SLIT3: variants seen among roughly 807,000 people sequenced by gnomAD.
SLIT3 encodes the protein slit guidance ligand 3.
SLIT3 carries 68 observed loss-of-function variants against 184.0 expected under a neutral mutation model. The observed-to-expected ratio is 0.37, with a 90% CI of 0.30 to 0.45. The LOEUF (loss-of-function observed/expected upper bound fraction) is 0.45. Ranked by LOEUF, SLIT3 falls within the 20% of genes least tolerant of loss-of-function variation. SLIT3 has a pLI of 1.00. For missense variants in SLIT3, 1,707 were observed against 2,026.0 expected (o/e 0.84, Z 3.02); for synonymous variants, 831 against 828.6 (o/e 1.00, Z -0.05).
chr5:168,832,803 T>G (rs72827678), intron 6 of SLIT3, among the ~76,000 whole-genome samples: 18,957 of 152,196 alleles, frequency 0.12, 1,633 homozygotes, highest in African/African-American at 0.25. Flanking sequence ...TTTTTAATAT[T>G]GGCAGCTAAA....
At chr5:168,683,872 C>A in intron 32 of SLIT3, 94 bp downstream of exon 32, 1 of 1,234,600 alleles carries the variant, frequency 8.1e-7, no homozygotes, top group Non-Finnish European at 1.1e-6. Flanking sequence ...AAGGGACACC[C>A]GAGTTCTCCT....
chr5:168,713,632 A>AGAT (rs756274868), intron 23 of SLIT3, among the ~76,000 whole-genome samples: 18 of 152,356 alleles, frequency 1.2e-4, no homozygotes, highest in Non-Finnish European at 2.4e-4. Flanking sequence ...GTGGAAGTAC[A>AGAT]GATGGAATAA....
At chr5:169,285,511 C>T (rs1222135832) in intron 1 of SLIT3, among the ~76,000 whole-genome samples, 2 of 152,134 alleles carry the variant, frequency 1.3e-5, no homozygotes, top group Non-Finnish European at 2.9e-5. Flanking sequence ...GGAGAGATGA[C>T]CCCTACCCTT....
At chr5:168,754,670 G>A (rs760301105) in intron 16 of SLIT3, among the ~76,000 whole-genome samples, 12 of 152,016 alleles carry the variant, frequency 7.9e-5, no homozygotes, top group South Asian at 2.1e-4. Flanking sequence ...TAGAAGTGAC[G>A]GATATCCTAA....
intron 5 of SLIT3, among the ~76,000 whole-genome samples, chr5:168,865,720 A>G (rs1438594869): frequency 1.3e-5 from 2 of 152,230 alleles, no homozygotes; most frequent in East Asian, 3.8e-4. Context: ...GTTGACTTAA[A>G]AAATAAAATC....
At chr5:169,173,834 T>G (rs1762888172) in intron 4 of SLIT3, among the ~76,000 whole-genome samples, 1 of 152,202 alleles carries the variant, frequency 6.6e-6, no homozygotes, top group South Asian at 2.1e-4. Flanking sequence ...GGCTGAAGTG[T>G]GTTTGCTCCA....
In SLIT3 at chr5:168,816,757, T is replaced by C. The variant is rs948001795; in HGVS notation, c.793+543A>G. On this transcript the variant is annotated intron_variant, in intron 8 of 35. Transcript: ENST00000519560. ...AAGGGCTGTGTATTATGCTAAGTGCTTTATATGCATTATTTCACTTAATCC... is the reference window on the plus strand; with the variant it reads ...AAGGGCTGTGTATTATGCTAAGTGCCTTATATGCATTATTTCACTTAATCC... Among the ~76,000 whole-genome samples the C allele has an allele frequency of 3.9e-5, 6 of 152,344 alleles. No homozygotes were observed. The Middle Eastern group carries it at 0.01, about 259-fold the overall frequency.
intron 4 of SLIT3, among the ~76,000 whole-genome samples, chr5:168,886,722 G>A (rs894962178): frequency 6.6e-6 from 1 of 152,152 alleles, no homozygotes; most frequent in African/African-American, 2.4e-5. Context: ...AAAGGAAGAT[G>A]GCTGGTGGGA....
At chr5:168,776,396 C>T (rs1320277831) in intron 12 of SLIT3, among the ~76,000 whole-genome samples, 1 of 152,230 alleles carries the variant, frequency 6.6e-6, no homozygotes, top group African/African-American at 2.4e-5. Context: ...AATGCTCATA[C>T]TGCTAGAATA....
At chr5:168,790,662 T>C (rs939653632) in intron 10 of SLIT3, 6 of 152,196 alleles carry the variant, frequency 3.9e-5, no homozygotes, top group African/African-American at 1.4e-4. Flanking sequence ...AAATGGGTCT[T>C]TGCTTTTGTG....
chr5:168,876,709 G>A (rs920170870), intron 5 of SLIT3, among the ~76,000 whole-genome samples: 4 of 152,148 alleles, frequency 2.6e-5, no homozygotes, highest in South Asian at 2.1e-4. Context: ...TAGCTCCAAC[G>A]AAGCCTTAAT....
At chr5:168,932,387 C>CACACACAT in intron 4 of SLIT3, among the ~76,000 whole-genome samples, 1 of 147,752 alleles carries the variant, frequency 6.8e-6, no homozygotes, top group African/African-American at 2.6e-5. Context: ...CACACACACA[C>CACACACAT]ACACTACACA....
intron 8 of SLIT3, among the ~76,000 whole-genome samples, chr5:168,811,066 G>A (rs62378499): frequency 0.25 from 38,221 of 151,912 alleles, 6,697 homozygotes; most frequent in African/African-American, 0.5. Flanking sequence ...AGGTGAAAGC[G>A]AAAGGTCCTA....
chr5:169,188,657 G>A (rs925876906), intron 4 of SLIT3, among the ~76,000 whole-genome samples: 1 of 152,146 alleles, frequency 6.6e-6, no homozygotes, highest in Non-Finnish European at 1.5e-5. Context: ...CCCAGCATAC[G>A]CACTACTCTC....
intron 4 of SLIT3, chr5:169,036,039 A>G (rs572259719): frequency 6.6e-6 from 1 of 152,266 alleles, no homozygotes; most frequent in South Asian, 2.1e-4. Context: ...CATATAACCA[A>G]CTCCATGTGT....
chr5:168,746,565 T>C (rs1465918349), intron 20 of SLIT3, among the ~76,000 whole-genome samples: 78 of 66,550 alleles, frequency 1.2e-3, no homozygotes, highest in Admixed American at 2.4e-3. Flanking sequence ...GTGGGTGTGG[T>C]GGTGTGTGGT....
chr5:169,134,782 C>T (rs1761438867), intron 4 of SLIT3, among the ~76,000 whole-genome samples: 1 of 152,222 alleles, frequency 6.6e-6, no homozygotes, highest in African/African-American at 2.4e-5. Flanking sequence ...CCTGACCCTT[C>T]ATGCCCCAGC....
intron 4 of SLIT3, among the ~76,000 whole-genome samples, chr5:168,916,485 C>T (rs576885937): frequency 6.4e-4 from 97 of 152,380 alleles, no homozygotes; most frequent in African/African-American, 2.2e-3. Flanking sequence ...GCGCCAAGCA[C>T]GTCACTTACT....
chr5:169,079,388 C>T (rs1368043792), intron 4 of SLIT3, among the ~76,000 whole-genome samples: 1 of 147,988 alleles, frequency 6.8e-6, no homozygotes, highest in Non-Finnish European at 1.5e-5. Context: ...ATGTCAAGTT[C>T]ATCAGCTGAA....
Sources: allele counts gnomAD v4.1 joint callset (sites outside exome capture counted in the v4.1 genomes callset), GRCh38; gene constraint gnomAD v4.1.1; transcripts MANE v1.5; gene names NCBI Gene and HGNC (gene_info 2026-07-23, HGNC 2026-07-21).